EPC1: variants seen among roughly 807,000 people sequenced by gnomAD.
EPC1 encodes enhancer of polycomb 1, also known as enhancer of polycomb homolog 1.
Under a neutral mutation model 98.4 loss-of-function variants are expected in EPC1, and 12 were observed. The ratio of observed to expected loss-of-function variants is 0.12; its 90% CI spans 0.08 to 0.20. EPC1 has a LOEUF of 0.20. Ranked by LOEUF, EPC1 falls within the 10% of genes least tolerant of loss-of-function variation. EPC1 has a pLI of 1.00. For missense variants in EPC1, 729 were observed against 990.5 expected (o/e 0.74, Z 3.54); for synonymous variants, 357 against 363.9 (o/e 0.98, Z 0.21).
intron 1 of EPC1, among the ~76,000 whole-genome samples, chr10:32,311,665 C>T (rs1836237497): frequency 6.6e-6 from 1 of 152,194 alleles, no homozygotes; most frequent in Non-Finnish European, 1.5e-5. Context: ...CAGTGGATGG[C>T]TGAAACCACT....
rs1835705075 is a variant in EPC1 at position 32,268,936 on chromosome 10, T to C, written c.*127A>G. On this transcript the variant is annotated 3_prime_UTR_variant, in exon 14 of 14. Coordinates refer to ENST00000319778, the MANE Select transcript of EPC1 (RefSeq NM_001272004.3). ...AAAATTGAAGCATGAGAGATGAGCA[T>C]TGCTGTCAAGTCCCCACAGCTGCCA... 1.5e-5 allele frequency: 11 copies of C among 727,702 alleles called. No homozygotes were observed. Among genetic ancestry groups the C allele is most frequent in the East Asian group, 5.3e-5 (2 of 37,976 alleles). 45.1% of individuals were successfully genotyped at this position (727,702 alleles called of 1,614,324 possible). A position where few individuals can be genotyped will look rare whatever the true frequency, so the allele number is the denominator to read the frequency against.
In EPC1 at chr10:32,337,841, A is replaced by G. The variant is rs567349460; in HGVS notation, c.153+8922T>C. ...GGGCTTTCCTTCTCACCACTCCACC[A>G]AAACATGCCAATGGCACATATCTAA... On this transcript the variant is annotated intron_variant, in intron 1 of 13. Transcript: ENST00000319778. 1.5e-4 allele frequency among the ~76,000 whole-genome samples: 23 copies of G among 152,266 alleles called. No individual in the cohort carries two copies. In the East Asian group the frequency reaches 4.4e-3, roughly 29 times the overall value.
At position 32,354,819 on chromosome 10, in the gene EPC1, T is replaced by C. The variant is rs568682254; in HGVS notation, c.3+23672A>G. Reference sequence around the variant, plus strand: ...AGCTTCACCCGGCATTAGATTCTCATAGGACCTCAAGCCTTATTCTGAGCT... The same window carrying C: ...AGCTTCACCCGGCATTAGATTCTCACAGGACCTCAAGCCTTATTCTGAGCT... On this transcript the variant is annotated intron_variant, in intron 1 of 13. Transcript: ENST00000375110. Among the ~76,000 whole-genome samples the C allele has an allele frequency of 3.3e-5, 5 of 152,142 alleles. No individual in the cohort carries two copies. The East Asian group carries it at 9.7e-4, about 30-fold the overall frequency.
At chr10:32,288,312 C>CTTTTTTTTTT (rs5784278) in intron 6 of EPC1, among the ~76,000 whole-genome samples, 4 of 124,102 alleles carry the variant, frequency 3.2e-5, no homozygotes, top group African/African-American at 1.3e-4. Flanking sequence ...TTACTTTTTT[C>CTTTTTTTTTT]TTTTTTTTTT....
At chr10:32,272,989 C>T in intron 11 of EPC1, 174 bp downstream of exon 11, 1 of 1,595,478 alleles carries the variant, frequency 6.3e-7, no homozygotes, top group Non-Finnish European at 8.6e-7. Context: ...AAATAGGGAG[C>T]AGAGGCAACA....
chr10:32,308,759 C>A (rs745581677), intron 1 of EPC1, among the ~76,000 whole-genome samples: 1 of 152,144 alleles, frequency 6.6e-6, no homozygotes, highest in Non-Finnish European at 1.5e-5. Context: ...AACTACCATA[C>A]GATTCAGCAA....
At chr10:32,349,679 G>A (rs1368441184), upstream of EPC1, among the ~76,000 whole-genome samples, 3 of 152,150 alleles carry the variant, frequency 2.0e-5, no homozygotes, top group Non-Finnish European at 4.4e-5. Flanking sequence ...ATGGCTTACT[G>A]CAGGCTTGAA....
At chr10:32,363,455 AG>A (rs9336650) in intron 1 of EPC1, among the ~76,000 whole-genome samples, 80,011 of 151,842 alleles carry the variant, frequency 0.53, 23,326 homozygotes, top group East Asian at 0.69. Context: ...GAGTATCCTG[AG>A]CCAGGTTCTA....
chr10:32,358,806 A>C (rs1057217873), intron 1 of EPC1, among the ~76,000 whole-genome samples: 5 of 152,176 alleles, frequency 3.3e-5, no homozygotes, highest in Non-Finnish European at 7.3e-5. Flanking sequence ...CCTAGGATTT[A>C]AATATCAGTA....
At chr10:32,270,656 C>T (rs1416201188) in intron 13 of EPC1, among the ~76,000 whole-genome samples, 1 of 151,776 alleles carries the variant, frequency 6.6e-6, no homozygotes, top group Non-Finnish European at 1.5e-5. Context: ...GAAACCCCGT[C>T]CCTGCTAAAA....
In EPC1 at chr10:32,318,583, A is replaced by G. The variant is rs529742867; in HGVS notation, c.154-12652T>C. ...GTTCCACAGACATCTCTCACATAAC[A>G]TCGACACCCCTGCTCCATGACTCTC... On this transcript the variant is annotated intron_variant, in intron 1 of 13. Transcript: ENST00000319778. Among the ~76,000 whole-genome samples, 8 of 152,220 alleles carry G rather than the reference A, an allele frequency of 5.3e-5. No homozygotes were observed. The South Asian group carries it at 1.7e-3, about 32-fold the overall frequency.
chr10:32,289,522 A>G (rs1309754547), intron 6 of EPC1, among the ~76,000 whole-genome samples: 1 of 152,070 alleles, frequency 6.6e-6, no homozygotes, highest in Non-Finnish European at 1.5e-5. Flanking sequence ...TAAAAAAAAA[A>G]CCTGAGTGAG....
intron 1 of EPC1, among the ~76,000 whole-genome samples, chr10:32,372,447 A>G (rs1451862020): frequency 6.6e-6 from 1 of 152,224 alleles, no homozygotes; most frequent in Non-Finnish European, 1.5e-5. Context: ...AATGTTATGA[A>G]TCATGAATTT....
chr10:32,341,578 T>C (rs550176414), intron 1 of EPC1, among the ~76,000 whole-genome samples: 25 of 152,314 alleles, frequency 1.6e-4, no homozygotes, highest in African/African-American at 5.8e-4. Flanking sequence ...TCAGTACAAA[T>C]GCCATTGCTG....
chr10:32,277,645 G>C (rs1435620767), intron 10 of EPC1, among the ~76,000 whole-genome samples: 1 of 151,958 alleles, frequency 6.6e-6, no homozygotes, highest in African/African-American at 2.4e-5. Context: ...CTGCAGCCTT[G>C]ACCTCCTTGG....
chr10:32,347,291 C>G, upstream of EPC1: 1 of 817,636 alleles, frequency 1.2e-6, no homozygotes, highest in Non-Finnish European at 1.5e-6. Flanking sequence ...CCCCGGCACC[C>G]GCCGGCCTCG....
chr10:32,278,386 T>G (rs1400737287), intron 10 of EPC1, among the ~76,000 whole-genome samples: 1 of 89,940 alleles, frequency 1.1e-5, no homozygotes, highest in South Asian at 4.3e-4. Flanking sequence ...TTTTTTTTTG[T>G]TTTTTTTTTT....
chr10:32,333,170 G>A (rs1000231176), intron 1 of EPC1, among the ~76,000 whole-genome samples: 3 of 152,100 alleles, frequency 2.0e-5, no homozygotes, highest in Non-Finnish European at 4.4e-5. Context: ...GCGAAACCCC[G>A]TCTCTACTAA....
At chr10:32,276,754 G>A (rs1004633944) in intron 10 of EPC1, among the ~76,000 whole-genome samples, 1 of 152,108 alleles carries the variant, frequency 6.6e-6, no homozygotes, top group Non-Finnish European at 1.5e-5. Context: ...AATGCTAAAT[G>A]GAAATAAGAC....
Sources: allele counts gnomAD v4.1 joint callset (sites outside exome capture counted in the v4.1 genomes callset), GRCh38; gene constraint gnomAD v4.1.1; transcripts MANE v1.5; gene names NCBI Gene and HGNC (gene_info 2026-07-23, HGNC 2026-07-21).